The following DOCK8 variants were observed in gnomAD, a reference collection of about 807,000 sequenced individuals.
The protein encoded by DOCK8 is dedicator of cytokinesis protein 8.
In DOCK8, 141 loss-of-function variants were observed where a neutral mutation model predicts 245.6. The observed-to-expected ratio is 0.57, with a 90% CI of 0.50 to 0.66. The LOEUF (loss-of-function observed/expected upper bound fraction) is 0.66. Among genes scored for constraint, DOCK8 ranks in the 30% least tolerant of loss-of-function variants. DOCK8 has a pLI of 0.00. For missense variants in DOCK8, 2,965 were observed against 2,603.4 expected (o/e 1.14, Z -3.02); for synonymous variants, 1,168 against 970.2 (o/e 1.20, Z -3.79).
At chr9:319,150 T>G (rs1486798127) in intron 7 of DOCK8, among the ~76,000 whole-genome samples, 1 of 151,260 alleles carries the variant, frequency 6.6e-6, no homozygotes, top group Non-Finnish European at 1.5e-5. Context: ...CTAACAGATG[T>G]GTTAATTTTT....
chr9:225,121 G>C lies in DOCK8; in HGVS notation c.53+10092G>C, dbSNP rs917920046. On this transcript the variant is annotated intron_variant, in intron 1 of 47. Coordinates refer to ENST00000432829, the MANE Select transcript of DOCK8 (RefSeq NM_203447.4). ...ATGACTTCCTCTAGGTATTACGGGA[G>C]ATTCAAAACACAAACAGACAAGCAG... Among the ~76,000 whole-genome samples, 15 of 152,112 alleles carry C rather than the reference G, an allele frequency of 9.9e-5. No individual in the cohort carries two copies. In the East Asian group the frequency reaches 2.9e-3, roughly 29 times the overall value.
At chr9:246,922 T>C (rs1415926509) in intron 1 of DOCK8, among the ~76,000 whole-genome samples, 2 of 152,112 alleles carry the variant, frequency 1.3e-5, no homozygotes, top group Non-Finnish European at 2.9e-5. Context: ...GTCTAATTTG[T>C]CAACTTTTAA....
chr9:300,641 C>A (rs965143454), intron 4 of DOCK8, among the ~76,000 whole-genome samples: 19 of 151,666 alleles, frequency 1.3e-4, no homozygotes, highest in African/African-American at 4.4e-4. Context: ...CAAATAAGCA[C>A]AATCAGAAAT....
intron 33 of DOCK8, among the ~76,000 whole-genome samples, chr9:426,476 T>G (rs2056506192): frequency 6.6e-6 from 1 of 152,206 alleles, no homozygotes; most frequent in African/African-American, 2.4e-5. Context: ...TCTCACTCTC[T>G]CTCGCATGTT....
chr9:254,782 C>G (rs377552433), intron 1 of DOCK8, among the ~76,000 whole-genome samples: 1 of 152,134 alleles, frequency 6.6e-6, no homozygotes, highest in Non-Finnish European at 1.5e-5. Context: ...GTTTCTCAGT[C>G]GGGTTTTCCA....
chr9:243,157 T>G (rs1310438645), intron 1 of DOCK8, among the ~76,000 whole-genome samples: 1 of 152,200 alleles, frequency 6.6e-6, no homozygotes, highest in Non-Finnish European at 1.5e-5. Context: ...CTTCAGGGGC[T>G]TAATCAACTC....
chr9:287,028 A>G (rs1272886584), intron 3 of DOCK8, among the ~76,000 whole-genome samples: 1 of 152,236 alleles, frequency 6.6e-6, no homozygotes, highest in Non-Finnish European at 1.5e-5. Flanking sequence ...AATTACTGAA[A>G]TGCCACCATC....
intron 1 of DOCK8, among the ~76,000 whole-genome samples, chr9:265,851 C>T (rs1164352932): frequency 6.6e-6 from 1 of 152,082 alleles, no homozygotes; most frequent in Non-Finnish European, 1.5e-5. Context: ...TACAGCCCAG[C>T]CCTTCTGGTT....
At chr9:439,785 A>G (rs2131798188) in intron 40 of DOCK8, among the ~76,000 whole-genome samples, 1 of 152,182 alleles carries the variant, frequency 6.6e-6, no homozygotes, top group South Asian at 2.1e-4. Context: ...TTAGGGAGGA[A>G]CCACTGGGAG....
chr9:274,553 T>G (rs1464450003), intron 2 of DOCK8, among the ~76,000 whole-genome samples: 1 of 151,494 alleles, frequency 6.6e-6, no homozygotes, highest in Non-Finnish European at 1.5e-5. Flanking sequence ...TTACCTGGTA[T>G]CGTGTTGTAA....
At chr9:247,484 A>C (rs1222788722) in intron 1 of DOCK8, among the ~76,000 whole-genome samples, 1 of 152,168 alleles carries the variant, frequency 6.6e-6, no homozygotes, top group Non-Finnish European at 1.5e-5. Context: ...TGCCAAGTAC[A>C]CTTAGTGCCT....
intron 24 of DOCK8, among the ~76,000 whole-genome samples, chr9:393,189 C>A (rs116232116): frequency 4.0e-5 from 6 of 150,362 alleles, no homozygotes; most frequent in African/African-American, 1.2e-4. Flanking sequence ...ATTCCCAATG[C>A]GGAATTCAGC....
rs2055848945 is a variant in DOCK8, at chr9:413,475, CAAAATGGGAGAAAATATTTGCAAATCA to C, written c.3531-1302_3531-1276del. Among the ~76,000 whole-genome samples, 3 of 152,132 alleles carry C rather than the reference CAAAATGGGAGAAAATATTTGCAAATCA, an allele frequency of 2.0e-5. No individual in the cohort carries two copies. In the South Asian group the frequency reaches 6.2e-4, roughly 32 times the overall value. On this transcript the variant is annotated intron_variant, in intron 28 of 47. Coordinates refer to ENST00000432829, the MANE Select transcript of DOCK8 (RefSeq NM_203447.4). ...ATCAAAAAAATGAAAAGGCAACACA[CAAAATGGGAGAAAATATTTGCAAATCA>C]AAAACCTAATAGGGGACTTGTATCT...
At chr9:239,535 G>C (rs756359251) in intron 1 of DOCK8, among the ~76,000 whole-genome samples, 1 of 152,222 alleles carries the variant, frequency 6.6e-6, no homozygotes, top group Non-Finnish European at 1.5e-5. Context: ...AGAAGCAATT[G>C]ATCCTGAAGA....
intron 26 of DOCK8, 88 bp downstream of exon 26, chr9:399,347 T>A: frequency 2.1e-6 from 2 of 954,462 alleles, no homozygotes; most frequent in Non-Finnish European, 3.3e-6. Flanking sequence ...CACGCTGTCT[T>A]CTTCATTACT....
At chr9:334,704 A>G (rs981518713) in intron 11 of DOCK8, among the ~76,000 whole-genome samples, 1 of 152,064 alleles carries the variant, frequency 6.6e-6, no homozygotes, top group African/African-American at 2.4e-5. Context: ...TGTAGTAACC[A>G]TCTGTAGTGT....
chr9:384,948 A>G (rs1281587802), intron 22 of DOCK8, among the ~76,000 whole-genome samples: 1 of 152,062 alleles, frequency 6.6e-6, no homozygotes. Flanking sequence ...ATAAATGAAA[A>G]AACCACTGGA....
intron 12 of DOCK8, 92 bp downstream of exon 12, chr9:336,810 A>G (rs1043677201): frequency 1.3e-5 from 19 of 1,490,256 alleles, no homozygotes; most frequent in African/African-American, 4.1e-5. Flanking sequence ...TGATTAAGAG[A>G]GCAAATTAGT....
intron 7 of DOCK8, among the ~76,000 whole-genome samples, chr9:318,334 C>T (rs1234823643): frequency 6.6e-6 from 1 of 152,198 alleles, no homozygotes; most frequent in Non-Finnish European, 1.5e-5. Context: ...CCTTCAGCGG[C>T]CCCTGGTTTG....
Sources: allele counts gnomAD v4.1 joint callset (sites outside exome capture counted in the v4.1 genomes callset), GRCh38; gene constraint gnomAD v4.1.1; transcripts MANE v1.5; gene names NCBI Gene and HGNC (gene_info 2026-07-23, HGNC 2026-07-21).